E2F2: variants seen among roughly 807,000 people sequenced by gnomAD.
The protein encoded by E2F2 is E2F transcription factor 2.
Under a neutral mutation model 42.2 loss-of-function variants are expected in E2F2, and 22 were observed. That is an observed-to-expected ratio of 0.52 (90% CI 0.37 to 0.74). The LOEUF is 0.74. Ranked by LOEUF, E2F2 falls within the 30% of genes least tolerant of loss-of-function variation. E2F2 has a pLI of 0.00. For synonymous variants in E2F2, 248 were observed against 251.6 expected (o/e 0.99, Z 0.13); for missense variants, 481 against 557.8 (o/e 0.86, Z 1.39).
At chr1:23,521,762 A>G in intron 3 of E2F2, 75 bp downstream of exon 3, 1 of 1,579,484 alleles carries the variant, frequency 6.3e-7, no homozygotes, top group Non-Finnish European at 8.6e-7. Context: ...ACTCACACCC[A>G]CTGGCTATTG....
intron 1 of E2F2, among the ~76,000 whole-genome samples, chr1:23,528,526 C>T (rs947615948): frequency 2.0e-5 from 3 of 152,212 alleles, no homozygotes; most frequent in African/African-American, 7.2e-5. Flanking sequence ...GGAGACTCCC[C>T]TGCTTCTTCA....
Position 23,522,150 on chromosome 1 carries a change from C to T in E2F2, c.359-94G>A, listed in dbSNP as rs3218166. ...CCTAGGCTCATTAAGTACCACCTTT[C>T]ACCACCCACTTTCCAGTTTACAAAG... On this transcript the variant is annotated intron_variant, in intron 2 of 6. Coordinates refer to ENST00000361729, the MANE Select transcript of E2F2 (RefSeq NM_004091.4). The T allele has an allele frequency of 7.6e-3, 8,455 of 1,115,380 alleles. 873 individuals carry two copies. In the Admixed American group the frequency reaches 0.18, roughly 24 times the overall value. The allele number at this position is 1,115,380 out of a possible 1,614,324, so 69.1% of individuals were successfully genotyped here.
rs565663432 is a variant in E2F2, at chr1:23,512,069, G to C, written c.1046-1921C>G. 9.9e-5 allele frequency among the ~76,000 whole-genome samples: 15 copies of C among 152,236 alleles called. No homozygotes were observed. The East Asian group carries it at 1.9e-3, about 20-fold the overall frequency. On this transcript the variant is annotated intron_variant, in intron 6 of 6. Transcript: ENST00000361729. ...AGAAATTCGCTGGGTATGGTGGCAGGCATCTGTAATCCCAGTTAATAGGGA... is the reference window on the plus strand; with the variant it reads ...AGAAATTCGCTGGGTATGGTGGCAGCCATCTGTAATCCCAGTTAATAGGGA...
intron 2 of E2F2, among the ~76,000 whole-genome samples, chr1:23,523,427 G>A (rs1360795712): frequency 6.6e-6 from 1 of 152,172 alleles, no homozygotes; most frequent in Non-Finnish European, 1.5e-5. Flanking sequence ...AAAGTGCTGG[G>A]ATTATAGGTG....
At chr1:23,519,258 A>C (rs3218174) in intron 4 of E2F2, 128 bp from the exon 5 acceptor site, 6,160 of 566,042 alleles carry the variant, frequency 0.011, 297 homozygotes, top group African/African-American at 0.1. Flanking sequence ...TACAACTTAG[A>C]AATAATACAA....
In E2F2 at chr1:23,516,408, G is replaced by A. The variant is rs762515067; in HGVS notation, c.972C>T (p.Leu324=). ...GCTGGGCAGAGTCAGGGCTGGGGCA[G>A]AGGGTGGAGGTAGAGGGGAGAGGCT... ...SEEPLPSTST[L]CPSPDSAQPS... The change falls in exon 6 of 7, where the codon CTC becomes CTT. Residue 324 remains leucine (L), a synonymous_variant. Transcript: ENST00000361729. The A allele has an allele frequency of 2.5e-6, 4 of 1,598,970 alleles. No homozygotes were observed. Among genetic ancestry groups the A allele is most frequent in the Non-Finnish European group, 3.4e-6 (4 of 1,173,738 alleles).
chr1:23,510,086 C>T lies in E2F2; in HGVS notation c.1108G>A (p.Ala370Thr), dbSNP rs1377194615. Residue 370 changes from alanine to threonine, a missense_variant, in exon 7 of 7, where the codon GCT (alanine) becomes ACT (threonine). By Grantham distance (58) the Ala-to-Thr change is moderately conservative (BLOSUM62 0). Coordinates refer to ENST00000361729, the MANE Select transcript of E2F2 (RefSeq NM_004091.4). ...GGCAGCTCCAGCAGGCTGTCAGTAG[C>T]CTCCAAGGGGACCAGGGATGGAGGC... ...PPPPSLVPLE[A>T]TDSLLELPHP... 4 of 1,607,282 alleles carry T rather than the reference C, an allele frequency of 2.5e-6. No homozygotes were observed. The African/African-American group carries it at 4.0e-5, about 16-fold the overall frequency.
intron 4 of E2F2, among the ~76,000 whole-genome samples, chr1:23,520,494 A>T (rs1172438160): frequency 6.6e-6 from 1 of 152,140 alleles, no homozygotes; most frequent in Non-Finnish European, 1.5e-5. Context: ...CTGTAATCTC[A>T]GCACTTTGGG....
chr1:23,514,750 T>C (rs923042839), intron 6 of E2F2, among the ~76,000 whole-genome samples: 2 of 149,938 alleles, frequency 1.3e-5, no homozygotes, highest in Non-Finnish European at 2.9e-5. Flanking sequence ...GGCAGGAGAA[T>C]TGATTGAACC....
At position 23,509,769 on chromosome 1, in the gene E2F2, G is replaced by T. The variant is rs893484001; in HGVS notation, c.*111C>A. 21 of 1,427,880 alleles carry T rather than the reference G, an allele frequency of 1.5e-5. No individual in the cohort carries two copies. The African/African-American group carries it at 2.8e-4, about 19-fold the overall frequency. The allele number at this position is 1,427,880 out of a possible 1,614,324, so 88.5% of individuals were successfully genotyped here. A position where few individuals can be genotyped will look rare whatever the true frequency, so the allele number is the denominator to read the frequency against. ...GGCAGGAAAGGCGAGGAGACCCCAT[G>T]CCCTGAGGGCAGCACCTAGTGTCCA... On this transcript the variant is annotated 3_prime_UTR_variant, in exon 7 of 7. Coordinates refer to ENST00000361729, the MANE Select transcript of E2F2 (RefSeq NM_004091.4).
chr1:23,523,313 C>A (rs1448623979), intron 2 of E2F2, among the ~76,000 whole-genome samples: 2 of 152,116 alleles, frequency 1.3e-5, no homozygotes, highest in East Asian at 3.9e-4. Flanking sequence ...TGCGCCACCA[C>A]ACCCGGCTAA....
chr1:23,520,812 AT>A (rs1480845257), intron 4 of E2F2, 100 bp downstream of exon 4: 1 of 1,254,346 alleles, frequency 8.0e-7, no homozygotes, highest in East Asian at 2.8e-5. Flanking sequence ...GAAGAAACAG[AT>A]GCCAGACCCT....
chr1:23,529,304 C>T (rs890144450), intron 1 of E2F2, among the ~76,000 whole-genome samples: 12 of 152,166 alleles, frequency 7.9e-5, no homozygotes, highest in Admixed American at 2.0e-4. Flanking sequence ...CATTCCTGCC[C>T]ACTGCCCTCC....
At position 23,530,520 on chromosome 1, in the gene E2F2, C is replaced by T; in HGVS notation, c.252+22G>A. On this transcript the variant is annotated intron_variant, in intron 1 of 6. Transcript: ENST00000361729. The surrounding 1 kb of genome is among the most constrained non-coding windows in gnomAD (Gnocchi z 4.4). Reference sequence around the variant, plus strand: ...ACACCTGGAAAAGCATAGGGGGAAGCGGTGGGGGCCCCCAGCATTACCGGC... The same window carrying T: ...ACACCTGGAAAAGCATAGGGGGAAGTGGTGGGGGCCCCCAGCATTACCGGC... 6.2e-7 allele frequency: 1 copy of T among 1,609,596 alleles called. No homozygotes were observed. The highest frequency in any genetic ancestry group is 8.5e-7 in the Non-Finnish European group (1 of 1,178,302).
rs926264748 is a variant in E2F2 at position 23,510,055 on chromosome 1, G to C, written c.1139C>G (p.Pro380Arg). Residue 380 changes from proline to arginine, a missense_variant, in exon 7 of 7, where the codon CCA becomes CGA. Transcript: ENST00000361729. ...CTGGTCCTCAGTCTGCTGCAGGAGT[G>C]GGTGCGGCAGCTCCAGCAGGCTGTC... ...ATDSLLELPH[P>R]LLQQTEDQFL... is the part of the protein sequence containing the mutation. 2 of 1,611,660 alleles carry C rather than the reference G, an allele frequency of 1.2e-6. No homozygotes were observed. Among genetic ancestry groups the C allele is most frequent in the Non-Finnish European group, 1.7e-6 (2 of 1,179,370 alleles).
rs939849766 is a variant in E2F2 at position 23,530,760 on chromosome 1, C to A, written c.34G>T (p.Ala12Ser). Residue 12 changes from alanine to serine, a missense_variant, in exon 1 of 7, where the codon GCT (alanine) becomes TCT (serine). By Grantham distance (99) the Ala-to-Ser change is moderately conservative. Transcript: ENST00000361729. The surrounding 1 kb of genome is among the most constrained non-coding windows in gnomAD (Gnocchi z 4.4). ...GGCACCACCTTCGGGGTCTGCCCAG[C>A]GGCCGAAGCCAAGGCCCGGGGCCCT... ...LQGPRALASA[A>S]GQTPKVVPAM... 6.4e-6 allele frequency: 10 copies of A among 1,571,844 alleles called. No individual in the cohort carries two copies. The highest frequency in any genetic ancestry group is 6.9e-6 in the Non-Finnish European group (8 of 1,157,376).
intron 6 of E2F2, among the ~76,000 whole-genome samples, chr1:23,511,259 A>G (rs1299058995): frequency 6.6e-6 from 1 of 151,000 alleles, no homozygotes. Context: ...TTTTTGAAAC[A>G]GGGTCTTGCC....
chr1:23,505,941 ACCCGCCACCAAG>A (rs1642787919), downstream of E2F2, among the ~76,000 whole-genome samples: 1 of 151,892 alleles, frequency 6.6e-6, no homozygotes, highest in Non-Finnish European at 1.5e-5. Context: ...GATTACAGGC[ACCCGCCACCAAG>A]CCCGGCTAAT....
At chr1:23,516,222 T>G in intron 6 of E2F2, 113 bp downstream of exon 6, 1 of 1,333,628 alleles carries the variant, frequency 7.5e-7, no homozygotes, top group Non-Finnish European at 9.7e-7. Context: ...GTAGGATGAC[T>G]ACATCCCCAG....
Sources: gnomAD v4.1 joint callset for allele counts (sites outside exome capture counted in the v4.1 genomes callset) on GRCh38, gnomAD v4.1.1 for gene constraint, Gnocchi (gnomAD v3.1) non-coding constraint, MANE v1.5 for transcripts, NCBI Gene and HGNC (gene_info 2026-07-23, HGNC 2026-07-21) for gene names.